RFFL: variants seen among roughly 807,000 people sequenced by gnomAD.
RFFL encodes the protein E3 ubiquitin-protein ligase rififylin.
In RFFL, 16 loss-of-function variants were observed where a neutral mutation model predicts 40.4. The ratio of observed to expected loss-of-function variants is 0.40; its 90% confidence interval spans 0.27 to 0.60. The LOEUF is 0.60. RFFL is among the 20% of genes least tolerant of loss of function. The pLI, the probability that RFFL is intolerant of heterozygous loss-of-function variation, is 0.47. For synonymous variants in RFFL, 154 were observed against 167.9 expected (o/e 0.92, Z 0.64); for missense variants, 367 against 451.7 (o/e 0.81, Z 1.70).
intron 1 of RFFL, among the ~76,000 whole-genome samples, chr17:35,072,633 T>C (rs552829225): frequency 6.6e-6 from 1 of 152,038 alleles, no homozygotes; most frequent in South Asian, 2.1e-4. Flanking sequence ...GTTGATATTG[T>C]ACTATGGTTA....
At chr17:35,069,959 A>G (rs2091338811) in intron 1 of RFFL, among the ~76,000 whole-genome samples, 1 of 152,094 alleles carries the variant, frequency 6.6e-6, no homozygotes, top group Admixed American at 6.5e-5. Context: ...TACCCATTTG[A>G]AAAAAAGCAC....
intron 1 of RFFL, among the ~76,000 whole-genome samples, chr17:35,034,672 G>GT (rs1193228115): frequency 9.2e-5 from 14 of 151,910 alleles, no homozygotes; most frequent in Non-Finnish European, 1.5e-4. Flanking sequence ...GGGACAACAG[G>GT]GAGTTACCAC....
At position 35,043,921 on chromosome 17, in the gene RFFL, G is replaced by A. The variant is rs576898709; in HGVS notation, c.-8-17360C>T. Among the ~76,000 whole-genome samples the A allele has an allele frequency of 6.6e-5, 10 of 152,238 alleles. 1 individual carries two copies. The South Asian group carries it at 2.1e-3, about 32-fold the overall frequency. ...GAACTTTAATTTATACATCCCATAAGTCATCTGCATTTCTAGTTTCTACAA... is the reference window on the plus strand; with the variant it reads ...GAACTTTAATTTATACATCCCATAAATCATCTGCATTTCTAGTTTCTACAA... On this transcript the variant is annotated intron_variant, in intron 1 of 6. Transcript: ENST00000394597.
chr17:35,021,022 G>T (rs1419320125), intron 3 of RFFL, among the ~76,000 whole-genome samples: 1 of 152,182 alleles, frequency 6.6e-6, no homozygotes, highest in South Asian at 2.1e-4. Context: ...TGCAACAAAG[G>T]AGTTAAGTTG....
intron 1 of RFFL, among the ~76,000 whole-genome samples, chr17:35,050,081 CAA>C (rs35308985): frequency 1.9e-4 from 22 of 116,456 alleles, no homozygotes; most frequent in Admixed American, 3.6e-4. Context: ...GACTCCATCT[CAA>C]AAAAAAAAAA....
intron 1 of RFFL, among the ~76,000 whole-genome samples, chr17:35,086,433 T>C (rs981424126): frequency 2.8e-4 from 43 of 151,060 alleles, no homozygotes; most frequent in African/African-American, 9.8e-4. Flanking sequence ...GCTGAAATCA[T>C]TCCATGGCAC....
chr17:35,081,456 T>A (rs1199707067), intron 1 of RFFL, among the ~76,000 whole-genome samples: 1 of 152,218 alleles, frequency 6.6e-6, no homozygotes, highest in African/African-American at 2.4e-5. Context: ...CATTCTCTAG[T>A]CTTTGCAAAA....
At chr17:35,052,154 T>G (rs2091235320) in intron 1 of RFFL, among the ~76,000 whole-genome samples, 1 of 152,228 alleles carries the variant, frequency 6.6e-6, no homozygotes, top group Non-Finnish European at 1.5e-5. Flanking sequence ...CATTATTTCT[T>G]TGGTCAAATA....
intron 3 of RFFL, 142 bp downstream of exon 3, chr17:35,021,229 T>A: frequency 1.3e-6 from 1 of 794,468 alleles, no homozygotes; most frequent in East Asian, 3.0e-5. Flanking sequence ...AGAAAACACT[T>A]GGTGCACCAG....
intron 3 of RFFL, among the ~76,000 whole-genome samples, chr17:35,021,009 G>A (rs973767146): frequency 3.3e-5 from 5 of 152,276 alleles, no homozygotes; most frequent in Admixed American, 2.6e-4. Context: ...AGCCAATGAA[G>A]ACTGCAACAA....
chr17:35,044,934 C>T (rs1048337968), intron 1 of RFFL, among the ~76,000 whole-genome samples: 6 of 150,640 alleles, frequency 4.0e-5, no homozygotes, highest in Non-Finnish European at 8.8e-5. Context: ...TACAGTGGTG[C>T]GATCACAGCT....
chr17:35,046,041 A>AG (rs397819810), intron 1 of RFFL, among the ~76,000 whole-genome samples: 2 of 151,638 alleles, frequency 1.3e-5, no homozygotes, highest in African/African-American at 4.8e-5. Context: ...AAAAAAAAAA[A>AG]GGACAGAAAC....
At chr17:35,035,607 T>TA (rs1020599120) in intron 1 of RFFL, among the ~76,000 whole-genome samples, 5 of 151,252 alleles carry the variant, frequency 3.3e-5, no homozygotes, top group African/African-American at 1.2e-4. Context: ...GTCAGCCGAC[T>TA]AGGCTTTTAC....
intron 1 of RFFL, among the ~76,000 whole-genome samples, chr17:35,027,690 C>T (rs1011157654): frequency 6.9e-6 from 1 of 144,956 alleles, no homozygotes; most frequent in Non-Finnish European, 1.5e-5. Flanking sequence ...TGCCACTGCA[C>T]TCTAGCCTGG....
chr17:35,030,926 T>C (rs1034607506), intron 1 of RFFL, among the ~76,000 whole-genome samples: 3 of 152,242 alleles, frequency 2.0e-5, no homozygotes, highest in South Asian at 2.1e-4. Context: ...GGACAGTCTG[T>C]ATGCTATAAA....
chr17:35,030,742 G>C (rs1326347991), intron 1 of RFFL, among the ~76,000 whole-genome samples: 1 of 151,928 alleles, frequency 6.6e-6, no homozygotes, highest in Non-Finnish European at 1.5e-5. Context: ...GCCAAATTTT[G>C]TAATTCTTTA....
chr17:35,078,070 G>A (rs1250283153), intron 1 of RFFL, among the ~76,000 whole-genome samples: 1 of 151,892 alleles, frequency 6.6e-6, no homozygotes, highest in Non-Finnish European at 1.5e-5. Context: ...TTCTCCAAGT[G>A]GGGTCTACAG....
chr17:35,038,792 G>A (rs2091143142), intron 1 of RFFL, among the ~76,000 whole-genome samples: 1 of 152,158 alleles, frequency 6.6e-6, no homozygotes, highest in African/African-American at 2.4e-5. Context: ...TGGTAACATT[G>A]TTTCTTACTC....
chr17:35,039,963 C>A (rs375679685), intron 1 of RFFL, among the ~76,000 whole-genome samples: 1 of 152,174 alleles, frequency 6.6e-6, no homozygotes, highest in African/African-American at 2.4e-5. Flanking sequence ...GCATGAGCCA[C>A]CGCATCTGGC....
Sources: gnomAD v4.1 joint callset for allele counts (sites outside exome capture counted in the v4.1 genomes callset) on GRCh38, gnomAD v4.1.1 for gene constraint, MANE v1.5 for transcripts, NCBI Gene and HGNC (gene_info 2026-07-23, HGNC 2026-07-21) for gene names.